Variants in MTUS2 observed in about 807,000 individuals in gnomAD.
The protein encoded by MTUS2 is microtubule-associated tumor suppressor candidate 2.
Under a neutral mutation model 114.1 loss-of-function variants are expected in MTUS2, and 40 were observed. That is an observed-to-expected ratio of 0.35 (90% CI 0.27 to 0.46). MTUS2 has a LOEUF of 0.46. Among genes scored for constraint, MTUS2 ranks in the 20% least tolerant of loss-of-function variants. MTUS2 has a pLI of 1.00. For synonymous variants in MTUS2, 688 were observed against 672.0 expected, an observed-to-expected ratio of 1.02 and a Z score of -0.37; for missense variants, 1,679 against 1,705.4, an observed-to-expected ratio of 0.98 and a Z score of 0.27.
In MTUS2 at chr13:29,496,294, C is replaced by T. The variant is rs1882547822; in HGVS notation, c.3580-944C>T. On this transcript the variant is annotated intron_variant, in intron 12 of 15. Transcript: ENST00000612955. The surrounding 1 kb of genome is among the most constrained non-coding windows in gnomAD (Gnocchi z 4.3). Reference sequence around the variant, plus strand: ...ATGGGAAGGTTGAGGGCTGGGAGCGCCAGTCTGGCCACGGGGCAGGTCTGA... The same window carrying T: ...ATGGGAAGGTTGAGGGCTGGGAGCGTCAGTCTGGCCACGGGGCAGGTCTGA... The T allele has an allele frequency of 6.5e-6, 1 of 152,746 alleles. No individual in the cohort carries two copies. Among genetic ancestry groups the T allele is most frequent in the Non-Finnish European group, 1.5e-5 (1 of 68,398 alleles). The allele number at this position is 152,746 out of a possible 1,614,324, so 9.5% of individuals were successfully genotyped here. A position where few individuals can be genotyped will look rare whatever the true frequency, so the allele number is the denominator to read the frequency against.
chr13:29,069,563 A>G (rs1030240722), intron 4 of MTUS2, among the ~76,000 whole-genome samples: 5 of 151,386 alleles, frequency 3.3e-5, no homozygotes, highest in Non-Finnish European at 5.9e-5. Flanking sequence ...TTAACCAGAT[A>G]TCTGAGTATC....
In MTUS2 at chr13:29,318,336, G is replaced by T. The variant is rs148361004; in HGVS notation, c.2807-6277G>T. On this transcript the variant is annotated intron_variant, in intron 6 of 15. Coordinates refer to ENST00000612955, the MANE Select transcript of MTUS2 (RefSeq NM_001033602.4). ...TTCTCTTAAATCTTGTTTTCCCATT[G>T]AGATGTGCTCAGTGAGGATCCTGAA... 5.0e-3 allele frequency among the ~76,000 whole-genome samples: 700 copies of T among 140,222 alleles called. 8 individuals are homozygous for T. The highest frequency in any genetic ancestry group is 0.018 in the African/African-American group (673 of 37,384). 92.0% of individuals were successfully genotyped at this position (140,222 alleles called of 152,430 possible). A position where few individuals can be genotyped will look rare whatever the true frequency, so the allele number is the denominator to read the frequency against.
intron 5 of MTUS2, among the ~76,000 whole-genome samples, chr13:29,161,202 A>T (rs146902039): frequency 1.3e-5 from 2 of 152,330 alleles, no homozygotes; most frequent in African/African-American, 4.8e-5. Context: ...AAACAGGGAA[A>T]TTAAACAAGA....
intron 4 of MTUS2, among the ~76,000 whole-genome samples, chr13:29,039,141 G>C (rs1418052015): frequency 6.6e-6 from 1 of 152,180 alleles, no homozygotes; most frequent in East Asian, 1.9e-4. Context: ...ACTTTGTAGC[G>C]GTCCTTGACC....
intron 4 of MTUS2, among the ~76,000 whole-genome samples, chr13:29,054,038 A>G (rs1276010831): frequency 1.3e-5 from 2 of 152,204 alleles, no homozygotes; most frequent in Admixed American, 6.5e-5. Context: ...TGAGCAATCT[A>G]TGAGAGTTAC....
intron 9 of MTUS2, among the ~76,000 whole-genome samples, chr13:29,445,973 G>T (rs1365703580): frequency 2.0e-5 from 3 of 151,800 alleles, no homozygotes; most frequent in Non-Finnish European, 2.9e-5. Flanking sequence ...TCTGTCCCTG[G>T]AAGTTGGTGG....
intron 4 of MTUS2, among the ~76,000 whole-genome samples, chr13:29,040,841 A>G (rs1188275248): frequency 6.6e-6 from 1 of 152,150 alleles, no homozygotes; most frequent in East Asian, 1.9e-4. Flanking sequence ...AGTTGCTCAT[A>G]GATTCTGGAT....
intron 6 of MTUS2, among the ~76,000 whole-genome samples, chr13:29,320,510 G>A (rs1000058268): frequency 6.6e-6 from 1 of 152,210 alleles, no homozygotes; most frequent in Non-Finnish European, 1.5e-5. Flanking sequence ...ACAAGGGAGA[G>A]GCTGAGCACT....
At chr13:29,458,948 C>T (rs1235019334) in intron 9 of MTUS2, among the ~76,000 whole-genome samples, 1 of 152,254 alleles carries the variant, frequency 6.6e-6, no homozygotes, top group Non-Finnish European at 1.5e-5. Context: ...GGACTCATCG[C>T]CACTGTCCCT....
At chr13:29,186,354 T>G (rs1301384076) in intron 5 of MTUS2, among the ~76,000 whole-genome samples, 2 of 152,298 alleles carry the variant, frequency 1.3e-5, no homozygotes, top group Admixed American at 1.3e-4. Flanking sequence ...ATGATCCAAC[T>G]GTATGCTATC....
intron 9 of MTUS2, among the ~76,000 whole-genome samples, chr13:29,461,472 A>G (rs747580285): frequency 1.8e-4 from 27 of 152,248 alleles, no homozygotes; most frequent in African/African-American, 2.2e-4. Context: ...CCTACAGTAT[A>G]CAAAGATACA....
At chr13:29,442,892 T>C (rs775296028) in intron 9 of MTUS2, among the ~76,000 whole-genome samples, 2 of 151,366 alleles carry the variant, frequency 1.3e-5, no homozygotes, top group Non-Finnish European at 2.9e-5. Context: ...CTGTAATTTA[T>C]AGCTCCTGCT....
At chr13:29,297,825 A>G (rs1219433174) in intron 6 of MTUS2, among the ~76,000 whole-genome samples, 1 of 152,212 alleles carries the variant, frequency 6.6e-6, no homozygotes, top group East Asian at 1.9e-4. Context: ...CAGTGTGATA[A>G]CAATGGAAAG....
At chr13:29,343,289 CT>C (rs1391528928) in intron 7 of MTUS2, among the ~76,000 whole-genome samples, 1 of 151,978 alleles carries the variant, frequency 6.6e-6, no homozygotes, top group Non-Finnish European at 1.5e-5. Context: ...TGGTCCTAGA[CT>C]TTTTCTTGTT....
At chr13:29,350,679 G>A (rs1449843203) in intron 7 of MTUS2, among the ~76,000 whole-genome samples, 1 of 151,922 alleles carries the variant, frequency 6.6e-6, no homozygotes, top group Non-Finnish European at 1.5e-5. Context: ...TAGATTGGGT[G>A]ACTTAAACAA....
At chr13:29,037,858 C>G (rs1887153698) in intron 4 of MTUS2, among the ~76,000 whole-genome samples, 1 of 152,174 alleles carries the variant, frequency 6.6e-6, no homozygotes, top group Admixed American at 6.5e-5. Context: ...TTTTCAGCTC[C>G]ATCAGGTCAT....
chr13:29,029,104 G>A (rs776441185), intron 3 of MTUS2, among the ~76,000 whole-genome samples: 50 of 152,312 alleles, frequency 3.3e-4, no homozygotes, highest in Non-Finnish European at 5.9e-4. Context: ...CTGCCTTGCC[G>A]CAGGTCCTTA....
At chr13:29,060,949 C>T (rs1466625804) in intron 4 of MTUS2, among the ~76,000 whole-genome samples, 1 of 151,706 alleles carries the variant, frequency 6.6e-6, no homozygotes, top group African/African-American at 2.4e-5. Context: ...TACATGTGCC[C>T]GCCACCACGC....
At chr13:29,377,529 G>A (rs557652679) in intron 8 of MTUS2, among the ~76,000 whole-genome samples, 2 of 152,134 alleles carry the variant, frequency 1.3e-5, no homozygotes, top group African/African-American at 2.4e-5. Flanking sequence ...TAAACCATGG[G>A]TCAAAGAGGA....
Sources: gnomAD v4.1 joint callset for allele counts (sites outside exome capture counted in the v4.1 genomes callset) on GRCh38, gnomAD v4.1.1 for gene constraint, Gnocchi (gnomAD v3.1) non-coding constraint, MANE v1.5 for transcripts, NCBI Gene and HGNC (gene_info 2026-07-23, HGNC 2026-07-21) for gene names.